Variants in KCNH1 observed in about 807,000 individuals in gnomAD.
KCNH1 encodes voltage-gated delayed rectifier potassium channel KCNH1.
KCNH1 carries 27 observed loss-of-function variants against 69.2 expected under a neutral mutation model. The observed-to-expected ratio is 0.39, with a 90% CI of 0.29 to 0.54. The LOEUF (loss-of-function observed/expected upper bound fraction) is 0.54, where lower values mean the gene tolerates loss of function less well. Among genes scored for constraint, KCNH1 ranks in the 20% least tolerant of loss-of-function variants. KCNH1 has a pLI of 0.68. For missense variants in KCNH1, 798 were observed against 1,261.6 expected, an observed-to-expected ratio of 0.63 and a Z score of 5.57; for synonymous variants, 456 against 487.7, an observed-to-expected ratio of 0.93 and a Z score of 0.86.
At chr1:210,977,578 AG>A (rs1426203594) in intron 6 of KCNH1, among the ~76,000 whole-genome samples, 1 of 152,150 alleles carries the variant, frequency 6.6e-6, no homozygotes, top group Non-Finnish European at 1.5e-5. Flanking sequence ...GAGATCATGC[AG>A]TATTTGTCTT....
Position 210,692,412 on chromosome 1 carries a change from C to T in KCNH1, c.2113-8274G>A, listed in dbSNP as rs1023591407. On this transcript the variant is annotated intron_variant, in intron 10 of 10. Transcript: ENST00000271751. ...GGGTTGCTACTCAGGGAAGAGATGG[C>T]GCTGCTGTGCAAGAGTTGCTATCCT... Among the ~76,000 whole-genome samples the T allele has an allele frequency of 3.9e-5, 6 of 152,118 alleles. No homozygotes were observed. The South Asian group carries it at 8.3e-4, about 21-fold the overall frequency.
At chr1:211,019,801 G>T (rs908679678) in intron 5 of KCNH1, among the ~76,000 whole-genome samples, 2 of 152,150 alleles carry the variant, frequency 1.3e-5, no homozygotes, top group Non-Finnish European at 2.9e-5. Flanking sequence ...TTCATATCAA[G>T]AATCTTTCCT....
rs149768678 is a variant in KCNH1, at chr1:210,998,300, T to C, written c.1032+20483A>G. The stretch of plus-strand genomic sequence containing the variant: ...TGCAGAGACACACATAGGCTCAAAA[T>C]AAAGGGATGGAGGAAGATCTACCAA... On this transcript the variant is annotated intron_variant, in intron 6 of 10. Coordinates refer to ENST00000271751, the MANE Select transcript of KCNH1 (RefSeq NM_172362.3). Among the ~76,000 whole-genome samples, 62 of 151,970 alleles carry C rather than the reference T, an allele frequency of 4.1e-4. No individual in the cohort carries two copies. In the East Asian group the frequency reaches 0.012, roughly 29 times the overall value.
chr1:210,935,541 C>T (rs1687761700), intron 6 of KCNH1, among the ~76,000 whole-genome samples: 1 of 152,118 alleles, frequency 6.6e-6, no homozygotes, highest in Non-Finnish European at 1.5e-5. Flanking sequence ...TTTGAGGTGA[C>T]AGATATGCTA....
At chr1:210,892,445 C>A (rs1007181626) in intron 7 of KCNH1, among the ~76,000 whole-genome samples, 3 of 152,120 alleles carry the variant, frequency 2.0e-5, no homozygotes, top group Admixed American at 2.0e-4. Context: ...AACAGCAAAG[C>A]CTTCCTTGTC....
chr1:211,050,664 C>T (rs1207008934), intron 5 of KCNH1, among the ~76,000 whole-genome samples: 4 of 152,076 alleles, frequency 2.6e-5, no homozygotes, highest in African/African-American at 7.2e-5. Context: ...TTGAAATCTT[C>T]AGTTGTATTT....
chr1:210,871,591 A>G (rs1686248687), intron 7 of KCNH1, among the ~76,000 whole-genome samples: 1 of 152,178 alleles, frequency 6.6e-6, no homozygotes, highest in Non-Finnish European at 1.5e-5. Flanking sequence ...TGCTATAAAG[A>G]CACATGCACA....
chr1:210,761,466 C>G (rs1221887829), intron 10 of KCNH1, among the ~76,000 whole-genome samples: 1 of 151,884 alleles, frequency 6.6e-6, no homozygotes, highest in Non-Finnish European at 1.5e-5. Context: ...ATTAAAAAAA[C>G]AAGACTCATC....
chr1:210,829,620 T>G (rs772997486), intron 7 of KCNH1, among the ~76,000 whole-genome samples: 22 of 152,222 alleles, frequency 1.4e-4, no homozygotes, highest in Non-Finnish European at 2.9e-4. Context: ...GACATCATCC[T>G]GCTTTTAGGG....
chr1:210,922,669 G>T (rs1358542864), intron 6 of KCNH1, among the ~76,000 whole-genome samples: 1 of 152,080 alleles, frequency 6.6e-6, no homozygotes, highest in African/African-American at 2.4e-5. Flanking sequence ...AAAGGGCTGA[G>T]AAAATCCCTT....
chr1:210,954,075 G>T (rs1008913192), intron 6 of KCNH1, among the ~76,000 whole-genome samples: 3 of 151,772 alleles, frequency 2.0e-5, no homozygotes, highest in African/African-American at 7.3e-5. Context: ...CCCAAGACAG[G>T]CCCCAGTGTG....
chr1:211,061,034 G>A (rs753504554), intron 5 of KCNH1, among the ~76,000 whole-genome samples: 2 of 152,152 alleles, frequency 1.3e-5, no homozygotes, highest in African/African-American at 4.8e-5. Context: ...CAATATCCCT[G>A]ATGAACATTG....
chr1:210,791,245 A>G (rs1043560871), intron 9 of KCNH1, among the ~76,000 whole-genome samples: 1 of 152,160 alleles, frequency 6.6e-6, no homozygotes, highest in African/African-American at 2.4e-5. Flanking sequence ...CACGTTCATC[A>G]TCTCACCCCA....
intron 7 of KCNH1, chr1:210,859,177 A>G (rs1685920168): frequency 6.4e-7 from 1 of 1,564,958 alleles, no homozygotes; most frequent in Non-Finnish European, 8.8e-7. Context: ...AGATAACTCA[A>G]TTCATCCCTG....
chr1:211,047,702 T>C (rs369281643), intron 5 of KCNH1, among the ~76,000 whole-genome samples: 4 of 152,292 alleles, frequency 2.6e-5, no homozygotes, highest in African/African-American at 9.6e-5. Context: ...TTCTTGTGAA[T>C]GGTTAAGCAG....
chr1:211,063,203 C>A (rs1690463381), intron 5 of KCNH1, among the ~76,000 whole-genome samples: 1 of 152,104 alleles, frequency 6.6e-6, no homozygotes, highest in Non-Finnish European at 1.5e-5. Context: ...AAGTCAAGCG[C>A]AGAAAGATAA....
At chr1:210,942,161 CT>C (rs1558534490) in intron 6 of KCNH1, among the ~76,000 whole-genome samples, 1 of 152,152 alleles carries the variant, frequency 6.6e-6, no homozygotes, top group African/African-American at 2.4e-5. Context: ...CTTAATCATT[CT>C]GTGTGGATTA....
At chr1:210,976,488 C>G (rs1688612934) in intron 6 of KCNH1, among the ~76,000 whole-genome samples, 1 of 144,496 alleles carries the variant, frequency 6.9e-6, no homozygotes, top group Non-Finnish European at 1.5e-5. Flanking sequence ...AATAGGAACA[C>G]TTTTACACTG....
intron 7 of KCNH1, among the ~76,000 whole-genome samples, chr1:210,917,212 A>AGG (rs1687353527): frequency 1.3e-5 from 1 of 79,324 alleles, no homozygotes; most frequent in Non-Finnish European, 2.6e-5. Flanking sequence ...AGGGACAGAG[A>AGG]GAGAGAGAGA....
Sources: gnomAD v4.1 joint callset for allele counts (sites outside exome capture counted in the v4.1 genomes callset) on GRCh38, gnomAD v4.1.1 for gene constraint, MANE v1.5 for transcripts, NCBI Gene and HGNC (gene_info 2026-07-23, HGNC 2026-07-21) for gene names.